The following CHAT variants were observed in gnomAD, a reference collection of about 807,000 sequenced individuals.
The protein encoded by CHAT is choline O-acetyltransferase.
Under a neutral mutation model 76.9 loss-of-function variants are expected in CHAT, and 61 were observed. The ratio of observed to expected loss-of-function variants is 0.79; its 90% CI spans 0.65 to 0.98. CHAT has a LOEUF of 0.98. CHAT is among the 50% of genes least tolerant of loss of function. The pLI, the probability that CHAT is intolerant of heterozygous loss-of-function variation, is 0.00. For synonymous variants in CHAT, 407 were observed against 397.4 expected (o/e 1.02, Z -0.29); for missense variants, 946 against 986.9 (o/e 0.96, Z 0.56).
At chr10:49,633,693 G>C (rs1332523589) in intron 7 of CHAT, among the ~76,000 whole-genome samples, 1 of 152,196 alleles carries the variant, frequency 6.6e-6, no homozygotes, top group Non-Finnish European at 1.5e-5. Flanking sequence ...CCCCGAGTCT[G>C]GGAGACTACA....
chr10:49,627,172 A>C (rs918004967), intron 6 of CHAT, among the ~76,000 whole-genome samples: 1 of 152,240 alleles, frequency 6.6e-6, no homozygotes, highest in Non-Finnish European at 1.5e-5. Flanking sequence ...TGTTGCAAAC[A>C]AGGCCGAGAG....
intron 7 of CHAT, among the ~76,000 whole-genome samples, chr10:49,636,901 G>T (rs191977068): frequency 6.6e-6 from 1 of 152,254 alleles, no homozygotes; most frequent in African/African-American, 2.4e-5. Flanking sequence ...TCAAGGGATT[G>T]GTCCATTTCA....
At chr10:49,649,667 T>C (rs374426155) in intron 10 of CHAT, 31 bp downstream of exon 10, 2 of 1,612,546 alleles carry the variant, frequency 1.2e-6, no homozygotes, top group Non-Finnish European at 1.7e-6. Flanking sequence ...CTTTGAGGGG[T>C]CCCCTAGGGA....
chr10:49,662,430 G>C (rs938806804), intron 13 of CHAT, among the ~76,000 whole-genome samples: 1 of 152,242 alleles, frequency 6.6e-6, no homozygotes, highest in Admixed American at 6.5e-5. Context: ...CTCATTCAGT[G>C]CATGTGGAAA....
chr10:49,610,838 G>T (rs1307291111), upstream of CHAT: 2 of 1,610,130 alleles, frequency 1.2e-6, no homozygotes, highest in Admixed American at 1.7e-5. Flanking sequence ...CGGCAGAGGC[G>T]CCTGGTGCTT....
rs147291282 is a variant in CHAT at position 49,651,560 on chromosome 10, G to A, written c.1512-324G>A. 2.1e-3 allele frequency among the ~76,000 whole-genome samples: 323 copies of A among 152,286 alleles called. 2 individuals carry two copies. The highest frequency in any genetic ancestry group is 6.6e-3 in the African/African-American group (275 of 41,550). ...CTCCGACAGTGAATTACAAAATCCC[G>A]GGCATGTCACCTGTGTCACAGTTAA... is the stretch of plus-strand genomic sequence containing the variant. On this transcript the variant is annotated intron_variant, in intron 10 of 14. Transcript: ENST00000337653.
intron 6 of CHAT, among the ~76,000 whole-genome samples, chr10:49,626,623 A>G (rs1417770860): frequency 6.6e-6 from 1 of 152,126 alleles, no homozygotes. Flanking sequence ...TCTTCATTCA[A>G]AAGTCAAGCC....
chr10:49,642,412 G>A (rs917408229), intron 7 of CHAT, among the ~76,000 whole-genome samples: 5 of 152,208 alleles, frequency 3.3e-5, no homozygotes, highest in Non-Finnish European at 5.9e-5. Context: ...TGTCTAATGA[G>A]CCAGGACCTG....
chr10:49,611,647 A>G (rs1300892256), upstream of CHAT: 3 of 1,611,862 alleles, frequency 1.9e-6, no homozygotes, highest in Non-Finnish European at 1.7e-6. Context: ...CACCTGTAAC[A>G]TTCCCCTCGC....
At chr10:49,609,217 C>A (rs1005598084), upstream of CHAT, 1 of 152,230 alleles carries the variant, frequency 6.6e-6, no homozygotes, top group Non-Finnish European at 1.5e-5. Flanking sequence ...TCCCTGGAGC[C>A]CCTGACGACA....
At position 49,614,345 on chromosome 10, in the gene CHAT, C is replaced by G. The variant is rs1286222980; in HGVS notation, c.156C>G (p.Ala52=). Residue 52 remains alanine, a synonymous_variant, in exon 1 of 15, where the codon GCC becomes GCG. Coordinates refer to ENST00000337653, the MANE Select transcript of CHAT (RefSeq NM_020549.5). ...ACCCGGGCGACGTCGGAGGCCCTGC[C>G]GGGAACCCAGGCTGCAGCCCCCACC... ...RGDPGDVGGP[A]GNPGCSPHPR... 7.1e-6 allele frequency: 11 copies of G among 1,546,650 alleles called. No homozygotes were observed. Among genetic ancestry groups the G allele is most frequent in the East Asian group, 4.9e-5 (2 of 40,852 alleles).
intron 13 of CHAT, among the ~76,000 whole-genome samples, chr10:49,656,704 T>C (rs1302469225): frequency 2.0e-4 from 30 of 152,070 alleles, no homozygotes; most frequent in Admixed American, 2.0e-3. Context: ...AGGGGAGATG[T>C]TGGATTTCCC....
At chr10:49,611,513 T>G (rs1204003901), upstream of CHAT, 5 of 1,601,328 alleles carry the variant, frequency 3.1e-6, no homozygotes, top group Admixed American at 8.3e-5. Context: ...GACGCGCTGT[T>G]GCTGCTGGCA....
intron 9 of CHAT, among the ~76,000 whole-genome samples, chr10:49,649,251 G>A (rs1477765768): frequency 6.6e-6 from 1 of 152,182 alleles, no homozygotes; most frequent in Non-Finnish European, 1.5e-5. Context: ...GGTCTAATAG[G>A]AAAACAATGA....
chr10:49,662,877 T>A (rs924848629), intron 14 of CHAT, 95 bp downstream of exon 14: 67 of 1,467,506 alleles, frequency 4.6e-5, no homozygotes, highest in Non-Finnish European at 5.9e-5. Context: ...ATCAGGCAAA[T>A]CCTGCCTCTG....
At chr10:49,639,705 A>C (rs1237552001) in intron 7 of CHAT, among the ~76,000 whole-genome samples, 1 of 151,716 alleles carries the variant, frequency 6.6e-6, no homozygotes, top group Non-Finnish European at 1.5e-5. Flanking sequence ...TGCTTCTTTG[A>C]ATTTATCATG....
chr10:49,646,665 G>A lies in CHAT; in HGVS notation c.1272G>A (p.Lys424=). 6.2e-7 allele frequency: 1 copy of A among 1,613,674 alleles called. No homozygotes were observed. The highest frequency in any genetic ancestry group is 8.5e-7 in the Non-Finnish European group (1 of 1,180,034). Residue 424 remains lysine, a synonymous_variant, in exon 8 of 15, where the codon AAG becomes AAA. Coordinates refer to ENST00000337653, the MANE Select transcript of CHAT (RefSeq NM_020549.5). ...ACGGGGCCAATCGCTGGTACGACAA[G>A]TCCCTGCAGGTAAGCCGTCCAGGTG... is the stretch of plus-strand genomic sequence containing the variant. ...SKNGANRWYD[K]SLQFVVGRDG...
At chr10:49,633,778 C>T (rs996479219) in intron 7 of CHAT, among the ~76,000 whole-genome samples, 3 of 152,182 alleles carry the variant, frequency 2.0e-5, no homozygotes, top group African/African-American at 7.2e-5. Context: ...TGGGTGCTGC[C>T]GTGAAGAGCC....
Position 49,643,092 on chromosome 10 carries a change from C to T in CHAT, c.1112-3413C>T, listed in dbSNP as rs144561463. ...TTTACAAGAGAAACCTTGTAAATGGCCTAAGGTCAAGATATTTGGTTTCTC... is the reference window on the plus strand; with the variant it reads ...TTTACAAGAGAAACCTTGTAAATGGTCTAAGGTCAAGATATTTGGTTTCTC... On this transcript the variant is annotated intron_variant, in intron 7 of 14. Coordinates refer to ENST00000337653, the MANE Select transcript of CHAT (RefSeq NM_020549.5). Among the ~76,000 whole-genome samples, 35 of 152,284 alleles carry T rather than the reference C, an allele frequency of 2.3e-4. No individual in the cohort carries two copies. The East Asian group carries it at 6.0e-3, about 26-fold the overall frequency.
Sources: gnomAD v4.1 joint callset for allele counts (sites outside exome capture counted in the v4.1 genomes callset) on GRCh38, gnomAD v4.1.1 for gene constraint, MANE v1.5 for transcripts, NCBI Gene and HGNC (gene_info 2026-07-23, HGNC 2026-07-21) for gene names.